The following EXT1 variants were observed in gnomAD, a reference collection of about 807,000 sequenced individuals.
EXT1 encodes the protein exostosin-1.
In EXT1, 20 loss-of-function variants were observed where a neutral mutation model predicts 82.5. The observed-to-expected ratio is 0.24, with a 90% confidence interval of 0.17 to 0.35. EXT1 has a LOEUF of 0.35. Ranked by LOEUF, EXT1 falls within the 10% of genes least tolerant of loss-of-function variation. The probability of loss-of-function intolerance (pLI) is 1.00; values close to 1 mark genes in which losing one functional copy is unlikely to be tolerated. For synonymous variants in EXT1, 348 were observed against 350.8 expected, an observed-to-expected ratio of 0.99 and a Z score of 0.09; for missense variants, 757 against 936.5, an observed-to-expected ratio of 0.81 and a Z score of 2.50.
At chr8:118,026,531 A>G (rs1276645982) in intron 1 of EXT1, among the ~76,000 whole-genome samples, 1 of 152,178 alleles carries the variant, frequency 6.6e-6, no homozygotes, top group Non-Finnish European at 1.5e-5. Flanking sequence ...GCCCTGAGAT[A>G]GCAATCAATA....
chr8:117,925,359 C>CAAA (rs5894404), intron 1 of EXT1, among the ~76,000 whole-genome samples: 45 of 142,466 alleles, frequency 3.2e-4, no homozygotes, highest in Middle Eastern at 3.5e-3. Context: ...GCAACCACCT[C>CAAA]AAAAAAAAAA....
chr8:117,843,155 A>G (rs1812298850), intron 1 of EXT1, among the ~76,000 whole-genome samples: 1 of 152,242 alleles, frequency 6.6e-6, no homozygotes, highest in Admixed American at 6.5e-5. Flanking sequence ...GTAGTTCTCT[A>G]AAGTGCATGG....
chr8:118,022,057 C>G (rs552291270), intron 1 of EXT1, among the ~76,000 whole-genome samples: 1 of 152,040 alleles, frequency 6.6e-6, no homozygotes, highest in African/African-American at 2.4e-5. Flanking sequence ...TTGGTCAATG[C>G]GTAGAGAGAG....
At chr8:118,049,114 G>GA (rs1223290463) in intron 1 of EXT1, among the ~76,000 whole-genome samples, 3 of 151,236 alleles carry the variant, frequency 2.0e-5, no homozygotes, top group South Asian at 2.1e-4. Context: ...ATTTTTAAAA[G>GA]AAAAAAAACA....
At chr8:117,877,076 C>T (rs748443488) in intron 1 of EXT1, among the ~76,000 whole-genome samples, 2 of 152,168 alleles carry the variant, frequency 1.3e-5, no homozygotes, top group Non-Finnish European at 2.9e-5. Context: ...ATTAAACCAG[C>T]CCTAATGACT....
At chr8:117,805,033 G>A (rs182912081) in intron 9 of EXT1, 140 bp from the exon 10 acceptor site, 29 of 769,702 alleles carry the variant, frequency 3.8e-5, no homozygotes, top group Admixed American at 3.4e-4. Context: ...TGATGATGAC[G>A]ATAACTATCA....
At position 117,936,250 on chromosome 8, in the gene EXT1, T is replaced by C. The variant is rs578107626; in HGVS notation, c.963-99049A>G. Among the ~76,000 whole-genome samples, 7 of 152,150 alleles carry C rather than the reference T, an allele frequency of 4.6e-5. No homozygotes were observed. In the East Asian group the frequency reaches 1.4e-3, roughly 29 times the overall value. On this transcript the variant is annotated intron_variant, in intron 1 of 10. Transcript: ENST00000378204. ...TTCTGAGCAGATGAGGACCTGAGCC[T>C]ATTCCAACAGCCTGTGGATCTATAC...
intron 1 of EXT1, among the ~76,000 whole-genome samples, chr8:117,858,095 C>A (rs1366891755): frequency 6.6e-6 from 1 of 152,090 alleles, no homozygotes; most frequent in Non-Finnish European, 1.5e-5. Flanking sequence ...TATGGATGAG[C>A]AAATAAAGTG....
chr8:118,109,781 G>A (rs1048584785), intron 1 of EXT1, among the ~76,000 whole-genome samples: 2 of 152,086 alleles, frequency 1.3e-5, no homozygotes, highest in African/African-American at 4.8e-5. Flanking sequence ...TACTAAACTT[G>A]GATCTAACCC....
At chr8:117,874,886 CCTAA>C (rs1342588554) in intron 1 of EXT1, among the ~76,000 whole-genome samples, 2 of 152,194 alleles carry the variant, frequency 1.3e-5, no homozygotes, top group Non-Finnish European at 2.9e-5. Flanking sequence ...ATTCCTTCTT[CCTAA>C]CTGTCCATTA....
chr8:117,883,253 G>C (rs1227330483), intron 1 of EXT1, among the ~76,000 whole-genome samples: 1 of 152,138 alleles, frequency 6.6e-6, no homozygotes, highest in Admixed American at 6.5e-5. Context: ...TTGAGTATCG[G>C]AACATTTAAA....
intron 1 of EXT1, among the ~76,000 whole-genome samples, chr8:117,976,461 A>G (rs1815066896): frequency 6.6e-6 from 1 of 152,254 alleles, no homozygotes; most frequent in Non-Finnish European, 1.5e-5. Flanking sequence ...AGCCACAGAT[A>G]ACCACAACCT....
At position 117,821,137 on chromosome 8, in the gene EXT1, G is replaced by A. The variant is rs533644272; in HGVS notation, c.1417+1328C>T. On this transcript the variant is annotated intron_variant, in intron 5 of 10. Coordinates refer to ENST00000378204, the MANE Select transcript of EXT1 (RefSeq NM_000127.3). The stretch of plus-strand genomic sequence containing the variant: ...CACAGTGCAGGGACATTCAAGTTAC[G>A]CTTTGATACTGATGGGATAAAGGCT... Among the ~76,000 whole-genome samples, 11 of 152,296 alleles carry A rather than the reference G, an allele frequency of 7.2e-5. No individual in the cohort carries two copies. In the South Asian group the frequency reaches 1.9e-3, roughly 26 times the overall value.
At chr8:117,994,489 T>C (rs186351900) in intron 1 of EXT1, among the ~76,000 whole-genome samples, 1 of 152,254 alleles carries the variant, frequency 6.6e-6, no homozygotes, top group Non-Finnish European at 1.5e-5. Context: ...TACACGTCTG[T>C]AGTCCCAGCT....
intron 1 of EXT1, among the ~76,000 whole-genome samples, chr8:117,984,729 T>G (rs940756237): frequency 6.6e-6 from 1 of 152,186 alleles, no homozygotes; most frequent in Non-Finnish European, 1.5e-5. Context: ...AAGCACATTC[T>G]GAAGGCCTGA....
intron 1 of EXT1, among the ~76,000 whole-genome samples, chr8:118,011,060 G>A (rs1354526064): frequency 6.6e-6 from 1 of 152,158 alleles, no homozygotes; most frequent in Non-Finnish European, 1.5e-5. Flanking sequence ...AATGTGGGAA[G>A]GACTCATCTG....
At chr8:118,096,068 A>C (rs1312232890) in intron 1 of EXT1, among the ~76,000 whole-genome samples, 1 of 152,238 alleles carries the variant, frequency 6.6e-6, no homozygotes, top group Non-Finnish European at 1.5e-5. Context: ...CAATGCTTCA[A>C]TATCAGTTAG....
intron 1 of EXT1, among the ~76,000 whole-genome samples, chr8:117,899,643 A>G (rs1289164135): frequency 6.6e-6 from 1 of 152,174 alleles, no homozygotes; most frequent in East Asian, 1.9e-4. Flanking sequence ...ACATAAATCT[A>G]TTAATCCAAC....
At chr8:118,095,295 T>C (rs547973022) in intron 1 of EXT1, among the ~76,000 whole-genome samples, 2 of 152,226 alleles carry the variant, frequency 1.3e-5, no homozygotes, top group Non-Finnish European at 2.9e-5. Flanking sequence ...AAAACACTAC[T>C]CCACCTTTTA....
Sources: gnomAD v4.1 joint callset for allele counts (sites outside exome capture counted in the v4.1 genomes callset) on GRCh38, gnomAD v4.1.1 for gene constraint, MANE v1.5 for transcripts, NCBI Gene and HGNC (gene_info 2026-07-23, HGNC 2026-07-21) for gene names.